Variants in RHOJ observed in about 807,000 individuals in gnomAD.
RHOJ encodes the protein rho-related GTP-binding protein RhoJ.
A neutral mutation model predicts 23.4 loss-of-function variants in RHOJ; 11 were observed. The observed-to-expected ratio is 0.47, with a 90% confidence interval of 0.30 to 0.78. The LOEUF is 0.78. Ranked by LOEUF, RHOJ falls within the 30% of genes least tolerant of loss-of-function variation. The pLI is 0.08. For synonymous variants in RHOJ, 102 were observed against 102.7 expected (o/e 0.99, Z 0.04); for missense variants, 254 against 273.4 (o/e 0.93, Z 0.50).
chr14:63,229,386 C>T (rs951959445), intron 1 of RHOJ, among the ~76,000 whole-genome samples: 2 of 152,178 alleles, frequency 1.3e-5, no homozygotes, highest in Non-Finnish European at 2.9e-5. Flanking sequence ...GTCCAGCAGG[C>T]ATGAATAGAT....
intron 1 of RHOJ, among the ~76,000 whole-genome samples, chr14:63,245,255 C>T (rs1359107908): frequency 2.0e-5 from 3 of 151,774 alleles, no homozygotes; most frequent in Admixed American, 1.3e-4. Context: ...CACATACAAA[C>T]TCATAATAGA....
chr14:63,238,338 A>G (rs1038774856), intron 1 of RHOJ, among the ~76,000 whole-genome samples: 1 of 152,248 alleles, frequency 6.6e-6, no homozygotes, highest in Non-Finnish European at 1.5e-5. Context: ...TTGAAGCAAC[A>G]GTCATCATCA....
intron 1 of RHOJ, among the ~76,000 whole-genome samples, chr14:63,217,485 A>G (rs1894390465): frequency 6.6e-6 from 1 of 152,068 alleles, no homozygotes; most frequent in African/African-American, 2.4e-5. Flanking sequence ...CTGGCTAGCC[A>G]TATGTAGAAA....
intron 2 of RHOJ, among the ~76,000 whole-genome samples, chr14:63,271,492 C>T (rs1360856901): frequency 7.2e-5 from 11 of 152,214 alleles, no homozygotes; most frequent in African/African-American, 2.2e-4. Context: ...TCAGAATCAC[C>T]TGTAGGGCTT....
At chr14:63,289,288 T>C (rs976150285) in intron 4 of RHOJ, among the ~76,000 whole-genome samples, 1 of 152,226 alleles carries the variant, frequency 6.6e-6, no homozygotes, top group Non-Finnish European at 1.5e-5. Flanking sequence ...ACTTGGAAGC[T>C]GATAAGACTG....
chr14:63,213,381 C>T (rs1351962901), intron 1 of RHOJ, among the ~76,000 whole-genome samples: 1 of 152,106 alleles, frequency 6.6e-6, no homozygotes, highest in Admixed American at 6.6e-5. Flanking sequence ...TGAGAACTAA[C>T]GTAGTATTTG....
chr14:63,289,082 C>G (rs2139670638), intron 4 of RHOJ, among the ~76,000 whole-genome samples: 1 of 152,342 alleles, frequency 6.6e-6, no homozygotes, highest in East Asian at 1.9e-4. Context: ...TATTCCCGCT[C>G]TGTTCTAAGC....
At chr14:63,212,007 A>T (rs901130656) in intron 1 of RHOJ, among the ~76,000 whole-genome samples, 1 of 152,200 alleles carries the variant, frequency 6.6e-6, no homozygotes, top group Non-Finnish European at 1.5e-5. Flanking sequence ...TGCTCATGTG[A>T]TGCTCCTGAG....
intron 2 of RHOJ, among the ~76,000 whole-genome samples, chr14:63,276,477 A>G (rs889557364): frequency 6.6e-6 from 1 of 152,152 alleles, no homozygotes; most frequent in Non-Finnish European, 1.5e-5. Flanking sequence ...ATGTATTTTC[A>G]TTTTCTTTCC....
chr14:63,234,286 C>T (rs888667716), intron 1 of RHOJ, among the ~76,000 whole-genome samples: 6 of 152,206 alleles, frequency 3.9e-5, no homozygotes, highest in African/African-American at 1.4e-4. Flanking sequence ...GCCTTTATTA[C>T]AGCAGGGCTC....
intron 1 of RHOJ, among the ~76,000 whole-genome samples, chr14:63,250,264 A>C (rs987369069): frequency 6.6e-6 from 1 of 152,062 alleles, no homozygotes; most frequent in African/African-American, 2.4e-5. Flanking sequence ...GTTTTGTTTG[A>C]GACAGGGCCT....
chr14:63,232,951 C>T (rs559350245), intron 1 of RHOJ, among the ~76,000 whole-genome samples: 1 of 152,142 alleles, frequency 6.6e-6, no homozygotes, highest in Admixed American at 6.5e-5. Context: ...CTGTCTCGGC[C>T]TCCCAAAGTG....
chr14:63,207,800 C>T (rs1042434199), intron 1 of RHOJ, among the ~76,000 whole-genome samples: 3 of 152,148 alleles, frequency 2.0e-5, no homozygotes, highest in Non-Finnish European at 2.9e-5. Context: ...AAATGAGAAG[C>T]AGGGACAATT....
At chr14:63,290,740 AG>A (rs373045737) in intron 4 of RHOJ, 137 bp from the exon 5 acceptor site, 20 of 635,954 alleles carry the variant, frequency 3.1e-5, no homozygotes, top group South Asian at 1.9e-4. Flanking sequence ...AAAAAAAAAA[AG>A]ACAAACATAA....
At chr14:63,274,773 C>A (rs972006354) in intron 2 of RHOJ, among the ~76,000 whole-genome samples, 1 of 152,166 alleles carries the variant, frequency 6.6e-6, no homozygotes, top group Admixed American at 6.5e-5. Context: ...ACCATAGTCA[C>A]AAACCCAGAG....
intron 4 of RHOJ, 102 bp from the exon 5 acceptor site, chr14:63,290,776 G>T: frequency 3.6e-6 from 4 of 1,115,110 alleles, no homozygotes; most frequent in Non-Finnish European, 5.0e-6. Context: ...CAGGCTGTTT[G>T]TAGGACAGGC....
chr14:63,235,230 C>T (rs569304418), intron 1 of RHOJ, among the ~76,000 whole-genome samples: 3 of 150,286 alleles, frequency 2.0e-5, no homozygotes, highest in South Asian at 2.1e-4. Flanking sequence ...GAGGCACTAT[C>T]GCAGGAAGGA....
chr14:63,210,154 G>A (rs892891228), intron 1 of RHOJ, among the ~76,000 whole-genome samples: 2 of 151,620 alleles, frequency 1.3e-5, no homozygotes, highest in Non-Finnish European at 2.9e-5. Flanking sequence ...TAAAGACGGG[G>A]TTTCACCATG....
chr14:63,204,876 T>C lies in RHOJ; in HGVS notation c.7T>C (p.Cys3Arg). The C allele has an allele frequency of 6.2e-7, 1 of 1,612,958 alleles. No homozygotes were observed. Among genetic ancestry groups the C allele is most frequent in the Non-Finnish European group, 8.5e-7 (1 of 1,179,496 alleles). ...AGCAGCTGGAGCCGCAAGAATGAAC[T>C]GCAAAGAGGGAACTGACAGCAGCTG... MN[C>R]KEGTDSSCGC... Residue 3 changes from cysteine to arginine, a missense_variant, in exon 1 of 5, where the codon TGC (cysteine) becomes CGC (arginine). Transcript: ENST00000316754.
Sources: allele counts gnomAD v4.1 joint callset (sites outside exome capture counted in the v4.1 genomes callset), GRCh38; gene constraint gnomAD v4.1.1; transcripts MANE v1.5; gene names NCBI Gene and HGNC (gene_info 2026-07-23, HGNC 2026-07-21).